TACC2: variants seen among roughly 807,000 people sequenced by gnomAD.
The protein encoded by TACC2 is transforming acidic coiled-coil containing protein 2.
In TACC2, 137 loss-of-function variants were observed where a neutral mutation model predicts 227.3. The ratio of observed to expected loss-of-function variants is 0.60; its 90% CI spans 0.52 to 0.69. The LOEUF (loss-of-function observed/expected upper bound fraction) is 0.69. Among genes scored for constraint, TACC2 ranks in the 30% least tolerant of loss-of-function variants. TACC2 has a pLI of 0.00. For missense variants in TACC2, 3,470 were observed against 3,694.4 expected, an observed-to-expected ratio of 0.94 and a Z score of 1.57; for synonymous variants, 1,523 against 1,487.5, an observed-to-expected ratio of 1.02 and a Z score of -0.55.
chr10:122,038,341 C>A (rs181999389), intron 2 of TACC2, among the ~76,000 whole-genome samples: 1 of 152,288 alleles, frequency 6.6e-6, no homozygotes, highest in Admixed American at 6.5e-5. Context: ...ACTTTTTATT[C>A]TAAAGCTTAG....
At chr10:122,134,489 T>C (rs74158803) in intron 6 of TACC2, among the ~76,000 whole-genome samples, 2,728 of 152,322 alleles carry the variant, frequency 0.018, 57 homozygotes, top group African/African-American at 0.051. Flanking sequence ...GAGTCAGCCA[T>C]AGTTTTTACT....
intron 5 of TACC2, among the ~76,000 whole-genome samples, chr10:122,094,536 C>G (rs530300740): frequency 6.6e-6 from 1 of 152,188 alleles, no homozygotes; most frequent in East Asian, 1.9e-4. Context: ...ACCTTGGCCT[C>G]CTAAAGCACT....
In TACC2 at chr10:122,188,786, C is replaced by T. The variant is rs547949840; in HGVS notation, c.5835-6254C>T. Among the ~76,000 whole-genome samples the T allele has an allele frequency of 1.8e-4, 27 of 152,292 alleles. No individual in the cohort carries two copies. In the South Asian group the frequency reaches 3.7e-3, roughly 21 times the overall value. ...CCCCAGTAACATCACAACATAGCCA[C>T]GAAGTGATAGCTACTTGATTCTGAA... On this transcript the variant is annotated intron_variant, in intron 7 of 22. Transcript: ENST00000369005.
chr10:122,030,847 T>C (rs184207294), intron 2 of TACC2, among the ~76,000 whole-genome samples: 38 of 152,146 alleles, frequency 2.5e-4, no homozygotes, highest in Non-Finnish European at 5.3e-4. Context: ...TCCCAGGGAA[T>C]TGGGGCTCCA....
In TACC2 at chr10:122,228,079, G is replaced by A. The variant is rs2095662434; in HGVS notation, c.7896+71G>A. 3.3e-6 allele frequency: 5 copies of A among 1,511,080 alleles called. No homozygotes were observed. In the Admixed American group the frequency reaches 9.3e-5, roughly 28 times the overall value. 93.6% of individuals were successfully genotyped at this position (1,511,080 alleles called of 1,614,324 possible). A position where few individuals can be genotyped will look rare whatever the true frequency, so the allele number is the denominator to read the frequency against. On this transcript the variant is annotated intron_variant, in intron 14 of 22. Transcript: ENST00000369005. ...GCCAGCTGCGTATTGTCACCAAGAA[G>A]GCCAGGCCTTCAGAGCAACACTCAC...
chr10:122,091,094 A>G (rs758329851), intron 5 of TACC2, among the ~76,000 whole-genome samples: 3 of 152,154 alleles, frequency 2.0e-5, no homozygotes, highest in Non-Finnish European at 4.4e-5. Context: ...TTTAACAGCA[A>G]TGGAAATTTA....
At chr10:122,104,757 A>G (rs1299918506) in intron 5 of TACC2, among the ~76,000 whole-genome samples, 2 of 152,208 alleles carry the variant, frequency 1.3e-5, no homozygotes, top group Non-Finnish European at 2.9e-5. Context: ...TAATATGTAA[A>G]TGCATAACTA....
intron 1 of TACC2, among the ~76,000 whole-genome samples, chr10:122,013,626 C>G (rs537469470): frequency 1.3e-5 from 2 of 152,208 alleles, no homozygotes; most frequent in Non-Finnish European, 2.9e-5. Flanking sequence ...TGAGCTCCCC[C>G]TCGATGAGCA....
chr10:122,177,741 G>A (rs1163613054), intron 7 of TACC2, among the ~76,000 whole-genome samples: 1 of 152,174 alleles, frequency 6.6e-6, no homozygotes, highest in Non-Finnish European at 1.5e-5. Context: ...AGAATTGGGA[G>A]TGTGGATTTC....
Position 122,083,698 on chromosome 10 carries a change from G to T in TACC2, c.1198G>T (p.Gly400Cys), listed in dbSNP as rs746392374. 14 of 1,613,350 alleles carry T rather than the reference G, an allele frequency of 8.7e-6. No homozygotes were observed. Among genetic ancestry groups the T allele is most frequent in the Non-Finnish European group, 1.2e-5 (14 of 1,180,040 alleles). Residue 400 changes from glycine to cysteine, a missense_variant, in exon 4 of 23, where the codon GGT becomes TGT. This residue lies in a region of TACC2 where 1,924 missense variants were observed against 1,978.3 expected (regional missense o/e 0.97). Transcript: ENST00000369005. ...GGCAGCAGGCGGCCAGCCCGAAGGGGGTTTGCCTGTGAGCCCTGAACCTTC... is the reference window on the plus strand; with the variant it reads ...GGCAGCAGGCGGCCAGCCCGAAGGGTGTTTGCCTGTGAGCCCTGAACCTTC... The part of the protein sequence containing the change: ...CVAAGGQPEG[G>C]LPVSPEPSLL...
rs1401284240 is a variant in TACC2 at position 122,083,445 on chromosome 10, C to A, written c.945C>A (p.Ser315Arg). 6.2e-7 allele frequency: 1 copy of A among 1,613,434 alleles called. No individual in the cohort carries two copies. The highest frequency in any genetic ancestry group is 8.5e-7 in the Non-Finnish European group (1 of 1,180,028). Residue 315 changes from serine (S) to arginine (R), a missense_variant, in exon 4 of 23, where the codon AGC becomes AGA. Transcript: ENST00000369005. Reference protein sequence around the residue: ...EFLRACHLPRSNSGAAPEAEV... With the variant: ...EFLRACHLPRRNSGAAPEAEV... The stretch of plus-strand genomic sequence containing the variant: ...TCAGGGCCTGCCATCTCCCTAGGAG[C>A]AATTCAGGGGCTGCCCCAGAAGCAG...
At position 122,227,953 on chromosome 10, in the gene TACC2, C is replaced by T. The variant is rs1238683112; in HGVS notation, c.7841C>T (p.Ser2614Phe). 1 of 1,614,222 alleles carries T rather than the reference C, an allele frequency of 6.2e-7. No individual in the cohort carries two copies. Among genetic ancestry groups the T allele is most frequent in the Non-Finnish European group, 8.5e-7 (1 of 1,180,036 alleles). ...ESHLQVPEKS[S>F]QKELEAMGLG... ...CACTTGCAGGTGCCAGAGAAATCCT[C>T]CCAGAAGGAGCTGGAGGCCATGGGC... Residue 2614 changes from serine (S) to phenylalanine (F), a missense_variant, in exon 14 of 23, where the codon TCC (serine) becomes TTC (phenylalanine). By Grantham distance (155) the Ser-to-Phe change is radical. This residue lies in a region of TACC2 where 345 missense variants were observed against 354.4 expected (regional missense o/e 0.97). Coordinates refer to ENST00000369005, the MANE Select transcript of TACC2 (RefSeq NM_206862.4).
chr10:122,136,760 G>T (rs2089748770), intron 6 of TACC2, among the ~76,000 whole-genome samples: 1 of 151,928 alleles, frequency 6.6e-6, no homozygotes, highest in Non-Finnish European at 1.5e-5. Flanking sequence ...TGCCATGATG[G>T]CCAGACTAGT....
At chr10:122,163,709 G>GCGCCGGCCACACTCGCGCT in intron 7 of TACC2, 5 of 1,126,360 alleles carry the variant, frequency 4.4e-6, no homozygotes, top group Non-Finnish European at 5.4e-6. Context: ...ACACTCGCGC[G>GCGCCGGCCACACTCGCGCT]CACACATACG....
At chr10:122,053,566 C>G (rs1301871331) in intron 3 of TACC2, among the ~76,000 whole-genome samples, 1 of 152,124 alleles carries the variant, frequency 6.6e-6, no homozygotes, top group Non-Finnish European at 1.5e-5. Context: ...CCACACTGCC[C>G]CTCAGGCTGA....
chr10:122,099,790 C>T (rs2137567048), intron 5 of TACC2, among the ~76,000 whole-genome samples: 1 of 152,324 alleles, frequency 6.6e-6, no homozygotes, highest in Middle Eastern at 3.4e-3. Context: ...TTAATGATCA[C>T]TGCAGGGTTT....
intron 3 of TACC2, among the ~76,000 whole-genome samples, chr10:122,057,815 A>G (rs987445654): frequency 1.3e-5 from 2 of 152,188 alleles, no homozygotes; most frequent in South Asian, 4.2e-4. Context: ...AGCAAGAGTG[A>G]AACTCCGTCT....
At position 122,176,117 on chromosome 10, in the gene TACC2, C is replaced by CTCTCTCTCTA. The variant is rs1447382017; in HGVS notation, c.5835-18922_5835-18921insCTCTCTCTAT. 5.9e-4 allele frequency among the ~76,000 whole-genome samples: 32 copies of CTCTCTCTCTA among 54,650 alleles called. 1 individual carries two copies. Among genetic ancestry groups the CTCTCTCTCTA allele is most frequent in the South Asian group, 1.7e-3 (2 of 1,192 alleles). 35.9% of individuals were successfully genotyped at this position (54,650 alleles called of 152,430 possible). A position where few individuals can be genotyped will look rare whatever the true frequency, so the allele number is the denominator to read the frequency against. On this transcript the variant is annotated intron_variant, in intron 7 of 22. Coordinates refer to ENST00000369005, the MANE Select transcript of TACC2 (RefSeq NM_206862.4). ...TCTCTCTCTCTCTCTCTCTCTCTCT[C>CTCTCTCTCTA]TATATATATATATATATATATATAT...
At chr10:122,017,718 G>C (rs1956835724) in intron 1 of TACC2, among the ~76,000 whole-genome samples, 1 of 150,648 alleles carries the variant, frequency 6.6e-6, no homozygotes, top group Non-Finnish European at 1.5e-5. Flanking sequence ...TAGGGAGGCT[G>C]AGGCAGGAGA....
Sources: allele counts gnomAD v4.1 joint callset (sites outside exome capture counted in the v4.1 genomes callset), GRCh38; gene constraint gnomAD v4.1.1; regional missense constraint gnomAD v4.1.1; transcripts MANE v1.5; gene names NCBI Gene and HGNC (gene_info 2026-07-23, HGNC 2026-07-21).